Variants in CCAR1 observed in about 807,000 individuals in gnomAD.
The protein encoded by CCAR1 is cell division cycle and apoptosis regulator protein 1.
In CCAR1, 78 loss-of-function variants were observed where a neutral mutation model predicts 163.8. That is an observed-to-expected ratio of 0.48 (90% CI 0.40 to 0.57). CCAR1 has a LOEUF of 0.57. Ranked by LOEUF, CCAR1 falls within the 20% of genes least tolerant of loss-of-function variation. The probability of loss-of-function intolerance (pLI) is 0.00; values close to 1 mark genes in which losing one functional copy is unlikely to be tolerated. For missense variants in CCAR1, 1,019 were observed against 1,365.2 expected (o/e 0.75, Z 4.00); for synonymous variants, 443 against 460.7 (o/e 0.96, Z 0.49).
chr10:68,788,319 G>A lies in CCAR1; in HGVS notation c.3178G>A (p.Glu1060Lys). 2 of 1,559,500 alleles carry A rather than the reference G, an allele frequency of 1.3e-6. No individual in the cohort carries two copies. The highest frequency in any genetic ancestry group is 8.6e-7 in the Non-Finnish European group (1 of 1,161,932). ...EVEQKLQLLE[E>K]KTDEDEKTIL... Reference sequence around the variant, plus strand: ...AGAACAGAAGCTGCAGTTACTAGAAGAAAAAACAGGTAAGGGTCAGCTTTG... The same window carrying A: ...AGAACAGAAGCTGCAGTTACTAGAAAAAAAAACAGGTAAGGGTCAGCTTTG... Residue 1060 changes from glutamate (E) to lysine (K), a missense_variant, in exon 23 of 25, where the codon GAA becomes AAA. Glu to Lys is a moderately conservative substitution (Grantham distance 56). Around this residue, in one of 4 missense-constraint regions of CCAR1, gnomAD observed 358 missense variants for 406.4 expected, o/e 0.88. Transcript: ENST00000265872.
Position 68,774,648 on chromosome 10 carries a change from A to G in CCAR1, c.2650+1549A>G, listed in dbSNP as rs2056641728. Among the ~76,000 whole-genome samples, 4 of 152,002 alleles carry G rather than the reference A, an allele frequency of 2.6e-5. No individual in the cohort carries two copies. In the South Asian group the frequency reaches 8.3e-4, roughly 32 times the overall value. On this transcript the variant is annotated intron_variant, in intron 19 of 24. Coordinates refer to ENST00000265872, the MANE Select transcript of CCAR1 (RefSeq NM_018237.4). ...TCCATCTCAAAAAAAAAAAAAACTA[A>G]TTTGGGCATTTTGTTTAACAAAGAC...
Position 68,737,902 on chromosome 10 carries a change from T to C in CCAR1, c.291+13T>C. 6.4e-7 allele frequency: 1 copy of C among 1,567,032 alleles called. No homozygotes were observed. Among genetic ancestry groups the C allele is most frequent in the Non-Finnish European group, 8.7e-7 (1 of 1,150,946 alleles). ...TGTGCAACAACAGGTTAGTTTATAT[T>C]TTCCGTGTTAAAAACTGATTTTAAA... On this transcript the variant is annotated intron_variant, in intron 4 of 24. Transcript: ENST00000265872.
chr10:68,741,126 C>G (rs994077816), intron 5 of CCAR1, among the ~76,000 whole-genome samples: 1 of 151,954 alleles, frequency 6.6e-6, no homozygotes, highest in Non-Finnish European at 1.5e-5. Context: ...GCTAGCCAAG[C>G]TGGTCTCGCC....
intron 6 of CCAR1, among the ~76,000 whole-genome samples, chr10:68,746,788 G>C (rs952428065): frequency 6.6e-6 from 1 of 151,982 alleles, no homozygotes; most frequent in Admixed American, 6.6e-5. Flanking sequence ...ATGTTGACCA[G>C]GCTGGTCTTG....
intron 21 of CCAR1, 140 bp from the exon 22 acceptor site, chr10:68,787,787 A>T (rs1487168583): frequency 4.3e-6 from 3 of 697,186 alleles, no homozygotes; most frequent in African/African-American, 3.7e-5. Flanking sequence ...GTGAGTCGAG[A>T]TCACACCACT....
At chr10:68,746,504 A>G (rs2056257934) in intron 6 of CCAR1, among the ~76,000 whole-genome samples, 1 of 151,960 alleles carries the variant, frequency 6.6e-6, no homozygotes, top group African/African-American at 2.4e-5. Context: ...TGATCTGCCC[A>G]CCTTAGTCAC....
Position 68,771,395 on chromosome 10 carries a change from A to G in CCAR1, c.2488A>G (p.Arg830Gly). Residue 830 changes from arginine (R) to glycine (G), a missense_variant, in exon 18 of 25, where the codon AGA becomes GGA. Transcript: ENST00000265872. ...AACTGATGAACCAAAACCCAAACGG[A>G]GAAAATCAGGCGATGATAAAGATAA... ...DETDEPKPKR[R>G]KSGDDKDKKE... 6.3e-7 allele frequency: 1 copy of G among 1,592,164 alleles called. No individual in the cohort carries two copies. Among genetic ancestry groups the G allele is most frequent in the Non-Finnish European group, 8.5e-7 (1 of 1,169,900 alleles).
chr10:68,749,395 C>G (rs1243884724), intron 9 of CCAR1, 129 bp from the exon 10 acceptor site: 1 of 1,272,934 alleles, frequency 7.9e-7, no homozygotes, highest in Non-Finnish European at 1.1e-6. Flanking sequence ...GTCTATTTTA[C>G]TACAATTTTT....
chr10:68,771,172 A>G, intron 17 of CCAR1, 34 bp from the exon 18 acceptor site: 1 of 1,536,986 alleles, frequency 6.5e-7, no homozygotes, highest in Non-Finnish European at 8.8e-7. Flanking sequence ...TTCTGTTGAA[A>G]TTTGGCTAGG....
intron 19 of CCAR1, among the ~76,000 whole-genome samples, chr10:68,777,818 G>A (rs1331432074): frequency 6.6e-6 from 1 of 152,144 alleles, no homozygotes; most frequent in East Asian, 1.9e-4. Flanking sequence ...TGTAATCCCA[G>A]CTACTCAGGA....
intron 2 of CCAR1, among the ~76,000 whole-genome samples, chr10:68,723,741 G>C (rs568460722): frequency 6.6e-6 from 1 of 151,802 alleles, no homozygotes; most frequent in Non-Finnish European, 1.5e-5. Flanking sequence ...CCAGTTACTC[G>C]GGATGCTGAG....
At chr10:68,786,491 G>A (rs577844631) in intron 20 of CCAR1, 55 bp from the exon 21 acceptor site, 1 of 1,279,056 alleles carries the variant, frequency 7.8e-7, no homozygotes, top group East Asian at 2.4e-5. Context: ...TCACTTTTTG[G>A]GGGTAAAAAA....
Position 68,754,810 on chromosome 10 carries a change from C to T in CCAR1, c.1441C>T (p.Pro481Ser). 1 of 1,588,222 alleles carries T rather than the reference C, an allele frequency of 6.3e-7. No individual in the cohort carries two copies. The highest frequency in any genetic ancestry group is 8.6e-7 in the Non-Finnish European group (1 of 1,156,502). The stretch of plus-strand genomic sequence containing the variant: ...AGAACTTCGAGATGGATTCCAACAT[C>T]CTGCTAGACTTGTTAAGGTAAAAGG... ...PQELRDGFQHPARLVKFLVGM... is the reference protein window; with the variant it reads ...PQELRDGFQHSARLVKFLVGM... The change falls in exon 12 of 25, where the codon CCT (proline) becomes TCT (serine). Residue 481 changes from proline to serine, a missense_variant. Pro to Ser is a moderately conservative substitution (Grantham distance 74). This residue lies in a region of CCAR1 where 644 missense variants were observed against 904.4 expected (regional missense o/e 0.71). Coordinates refer to ENST00000265872, the MANE Select transcript of CCAR1 (RefSeq NM_018237.4).
Position 68,773,115 on chromosome 10 carries a change from AT to A in CCAR1, c.2650+19del. On this transcript the variant is annotated intron_variant, in intron 19 of 24. Coordinates refer to ENST00000265872, the MANE Select transcript of CCAR1 (RefSeq NM_018237.4). ...GAAGAAGATGGTATGATTGAAATTT[AT>A]TTATTACTTCTTAGAGTTAAGAATA... is the stretch of plus-strand genomic sequence containing the variant. The A allele has an allele frequency of 8.1e-7, 1 of 1,230,130 alleles. No homozygotes were observed. Among genetic ancestry groups the A allele is most frequent in the Non-Finnish European group, 1.2e-6 (1 of 857,518 alleles). The allele number at this position is 1,230,130 out of a possible 1,614,324, so 76.2% of individuals were successfully genotyped here. A position where few individuals can be genotyped will look rare whatever the true frequency, so the allele number is the denominator to read the frequency against.
At chr10:68,788,366 C>G (rs375323857) in intron 23 of CCAR1, 38 bp downstream of exon 23, 97 of 1,435,552 alleles carry the variant, frequency 6.8e-5, no homozygotes, top group Non-Finnish European at 8.7e-5. Context: ...ACTTTCAGCA[C>G]CCTGCTGGGA....
At chr10:68,750,190 C>T (rs1382677866) in intron 10 of CCAR1, among the ~76,000 whole-genome samples, 3 of 146,770 alleles carry the variant, frequency 2.0e-5, no homozygotes, top group African/African-American at 7.5e-5. Flanking sequence ...TGACAAATTA[C>T]CAGAAATTTC....
chr10:68,729,711 A>G (rs2133306186), intron 2 of CCAR1, among the ~76,000 whole-genome samples: 1 of 152,108 alleles, frequency 6.6e-6, no homozygotes, highest in Admixed American at 6.6e-5. Flanking sequence ...TTAAAAAAAA[A>G]AAAAAAATAC....
chr10:68,770,065 C>T (rs2056583615), intron 17 of CCAR1, among the ~76,000 whole-genome samples: 1 of 152,036 alleles, frequency 6.6e-6, no homozygotes, highest in Non-Finnish European at 1.5e-5. Context: ...TTTCCCTAAT[C>T]CAGAATTTTC....
At chr10:68,761,759 C>T (rs1258605294) in intron 16 of CCAR1, among the ~76,000 whole-genome samples, 7 of 151,960 alleles carry the variant, frequency 4.6e-5, no homozygotes, top group Admixed American at 2.6e-4. Context: ...TGCACCACTA[C>T]GCCTGGCTAA....
Sources: allele counts gnomAD v4.1 joint callset (sites outside exome capture counted in the v4.1 genomes callset), GRCh38; gene constraint gnomAD v4.1.1; regional missense constraint gnomAD v4.1.1; transcripts MANE v1.5; gene names NCBI Gene and HGNC (gene_info 2026-07-23, HGNC 2026-07-21).